Variants in MAGI2 observed in about 807,000 individuals in gnomAD.
The protein encoded by MAGI2 is membrane associated guanylate kinase, WW and PDZ domain containing 2, also known as membrane-associated guanylate kinase, WW and PDZ domain-containing protein 2.
A neutral mutation model predicts 133.3 loss-of-function variants in MAGI2; 35 were observed. That is an observed-to-expected ratio of 0.26 (90% CI 0.20 to 0.35). The LOEUF is 0.35. Among genes scored for constraint, MAGI2 ranks in the 10% least tolerant of loss-of-function variants. The pLI, the probability that MAGI2 is intolerant of heterozygous loss-of-function variation, is 1.00. For synonymous variants in MAGI2, 729 were observed against 710.6 expected (o/e 1.03, Z -0.41); for missense variants, 1,636 against 1,863.4 (o/e 0.88, Z 2.25).
intron 2 of MAGI2, among the ~76,000 whole-genome samples, chr7:78,770,087 C>T (rs1585359151): frequency 1.3e-5 from 2 of 152,176 alleles, no homozygotes; most frequent in South Asian, 2.1e-4. Context: ...CTTGCTATCA[C>T]GGAAAGCACA....
At chr7:78,847,242 T>G (rs1401598855) in intron 2 of MAGI2, among the ~76,000 whole-genome samples, 2 of 151,994 alleles carry the variant, frequency 1.3e-5, no homozygotes, top group Non-Finnish European at 2.9e-5. Context: ...ATTTTACATA[T>G]TTTAGGAATA....
At chr7:78,857,471 G>A (rs1241299550) in intron 2 of MAGI2, among the ~76,000 whole-genome samples, 3 of 152,244 alleles carry the variant, frequency 2.0e-5, no homozygotes, top group South Asian at 2.1e-4. Context: ...AAGAGGTGTC[G>A]AATTTTGTTG....
intron 1 of MAGI2, among the ~76,000 whole-genome samples, chr7:79,443,615 C>T (rs1321965229): frequency 6.6e-6 from 1 of 152,082 alleles, no homozygotes; most frequent in Non-Finnish European, 1.5e-5. Context: ...AAAATACTCA[C>T]TTGTAAAATG....
intron 3 of MAGI2, among the ~76,000 whole-genome samples, chr7:78,545,338 G>A (rs1259941508): frequency 6.7e-6 from 1 of 149,346 alleles, no homozygotes; most frequent in Admixed American, 6.8e-5. Context: ...TCAGCCTTCT[G>A]AGTAGCTGCA....
intron 6 of MAGI2, among the ~76,000 whole-genome samples, chr7:78,435,992 A>G (rs1458804382): frequency 6.6e-6 from 1 of 152,174 alleles, no homozygotes; most frequent in Non-Finnish European, 1.5e-5. Flanking sequence ...TGCCATTTTG[A>G]ACAAGGTCCT....
At chr7:79,218,279 G>C (rs561789572) in intron 1 of MAGI2, among the ~76,000 whole-genome samples, 1 of 152,064 alleles carries the variant, frequency 6.6e-6, no homozygotes, top group East Asian at 1.9e-4. Flanking sequence ...TCTCCAACTA[G>C]TGACTTTTTC....
intron 3 of MAGI2, among the ~76,000 whole-genome samples, chr7:78,602,942 A>G (rs1805365694): frequency 6.6e-6 from 1 of 152,224 alleles, no homozygotes; most frequent in South Asian, 2.1e-4. Context: ...AATTGACTAA[A>G]TAAGAATTAC....
chr7:78,417,676 T>C (rs1045159743), intron 6 of MAGI2, among the ~76,000 whole-genome samples: 11 of 152,170 alleles, frequency 7.2e-5, no homozygotes, highest in African/African-American at 2.4e-4. Flanking sequence ...TTTACATGTA[T>C]TATTTTGTTG....
At chr7:78,969,288 C>A (rs1562731071) in intron 2 of MAGI2, among the ~76,000 whole-genome samples, 1 of 152,066 alleles carries the variant, frequency 6.6e-6, no homozygotes, top group Non-Finnish European at 1.5e-5. Context: ...TTATGTAAAT[C>A]AATCACCGCC....
chr7:78,124,703 C>T (rs1352881632), intron 20 of MAGI2, among the ~76,000 whole-genome samples: 5 of 152,080 alleles, frequency 3.3e-5, no homozygotes, highest in Admixed American at 6.6e-5. Context: ...CACACAAACA[C>T]ACAGAGAGAG....
At chr7:78,897,333 T>C (rs1044088122) in intron 2 of MAGI2, among the ~76,000 whole-genome samples, 1 of 152,198 alleles carries the variant, frequency 6.6e-6, no homozygotes, top group Non-Finnish European at 1.5e-5. Context: ...TTTATACTGA[T>C]GGCACTCATA....
chr7:79,194,929 A>T (rs997647684), intron 1 of MAGI2, among the ~76,000 whole-genome samples: 1 of 152,008 alleles, frequency 6.6e-6, no homozygotes. Flanking sequence ...TCATGCTATT[A>T]ATAAAATGAA....
intron 3 of MAGI2, among the ~76,000 whole-genome samples, chr7:78,558,313 T>C (rs1364819964): frequency 6.6e-6 from 1 of 152,144 alleles, no homozygotes; most frequent in Non-Finnish European, 1.5e-5. Flanking sequence ...GTGTGTGAGA[T>C]CTCAGCTGAT....
chr7:78,546,686 C>G (rs1798873838), intron 3 of MAGI2, among the ~76,000 whole-genome samples: 1 of 151,786 alleles, frequency 6.6e-6, no homozygotes, highest in African/African-American at 2.4e-5. Flanking sequence ...ATCTCTCTCT[C>G]TCTCTCTCTC....
intron 9 of MAGI2, among the ~76,000 whole-genome samples, chr7:78,331,328 A>G (rs1789171597): frequency 1.1e-5 from 1 of 95,142 alleles, no homozygotes; most frequent in African/African-American, 4.5e-5. Flanking sequence ...CCTATGTAAC[A>G]AACCTGCACA....
At chr7:78,547,439 C>T (rs12705567) in intron 3 of MAGI2, among the ~76,000 whole-genome samples, 91,123 of 152,156 alleles carry the variant, frequency 0.6, 27,596 homozygotes, top group African/African-American at 0.68. Flanking sequence ...TAGTTTATTG[C>T]GGTGTATTGG....
intron 2 of MAGI2, among the ~76,000 whole-genome samples, chr7:78,720,233 T>G (rs975925314): frequency 2.0e-5 from 3 of 152,132 alleles, no homozygotes; most frequent in African/African-American, 7.2e-5. Context: ...ATCTGATAAG[T>G]ATGACTTTGT....
intron 3 of MAGI2, among the ~76,000 whole-genome samples, chr7:78,528,201 A>G (rs1175016488): frequency 6.6e-6 from 1 of 152,228 alleles, no homozygotes; most frequent in African/African-American, 2.4e-5. Flanking sequence ...AGTTTTATAA[A>G]TGAAGCAAAT....
chr7:78,769,034 A>G lies in MAGI2; in HGVS notation c.419-141795T>C, dbSNP rs1204563192. Among the ~76,000 whole-genome samples, 4 of 152,250 alleles carry G rather than the reference A, an allele frequency of 2.6e-5. No homozygotes were observed. In the East Asian group the frequency reaches 7.7e-4, roughly 29 times the overall value. On this transcript the variant is annotated intron_variant, in intron 2 of 21. Transcript: ENST00000354212. ...GCTTTCACAAACCAAAGCCCAAATA[A>G]AGGAACAGTGTGGCTGCTGTAGCAC...
Sources: gnomAD v4.1 joint callset for allele counts (sites outside exome capture counted in the v4.1 genomes callset) on GRCh38, gnomAD v4.1.1 for gene constraint, MANE v1.5 for transcripts, NCBI Gene and HGNC (gene_info 2026-07-23, HGNC 2026-07-21) for gene names.